PPP6R3: variants seen among roughly 807,000 people sequenced by gnomAD.
The protein encoded by PPP6R3 is serine/threonine-protein phosphatase 6 regulatory subunit 3.
A neutral mutation model predicts 110.7 loss-of-function variants in PPP6R3; 38 were observed. The ratio of observed to expected loss-of-function variants is 0.34; its 90% CI spans 0.26 to 0.45. The LOEUF is 0.45. PPP6R3 is among the 20% of genes least tolerant of loss of function. PPP6R3 has a pLI of 1.00. For synonymous variants in PPP6R3, 369 were observed against 373.5 expected (o/e 0.99, Z 0.14); for missense variants, 870 against 1,062.4 (o/e 0.82, Z 2.52).
At chr11:68,462,366 A>G (rs1201952740) in intron 1 of PPP6R3, among the ~76,000 whole-genome samples, 1 of 152,154 alleles carries the variant, frequency 6.6e-6, no homozygotes, top group African/African-American at 2.4e-5. Flanking sequence ...CCATTCCTTA[A>G]ATTAGGAACA....
intron 8 of PPP6R3, among the ~76,000 whole-genome samples, chr11:68,562,945 T>G (rs187211309): frequency 7.9e-5 from 12 of 151,996 alleles, no homozygotes; most frequent in East Asian, 1.9e-4. Context: ...TTAAGAAAAT[T>G]AAAAGATAGG....
At chr11:68,557,511 TTC>T (rs2099404108) in intron 7 of PPP6R3, among the ~76,000 whole-genome samples, 1 of 152,090 alleles carries the variant, frequency 6.6e-6, no homozygotes, top group African/African-American at 2.4e-5. Flanking sequence ...TCTTTTCTTT[TTC>T]TTTTTTTTCT....
chr11:68,500,622 T>G (rs951827693), intron 1 of PPP6R3, among the ~76,000 whole-genome samples: 1 of 152,136 alleles, frequency 6.6e-6, no homozygotes, highest in Non-Finnish European at 1.5e-5. Context: ...GGACTGCAGG[T>G]ACGTGCCACC....
chr11:68,588,107 A>C, intron 16 of PPP6R3, 83 bp downstream of exon 16: 1 of 1,251,008 alleles, frequency 8.0e-7, no homozygotes, highest in Non-Finnish European at 1.2e-6. Context: ...CGGGATTCTT[A>C]GTCTTGAGCA....
At chr11:68,600,291 C>T (rs2099627854) in intron 19 of PPP6R3, 50 bp from the exon 20 acceptor site, 1 of 1,563,076 alleles carries the variant, frequency 6.4e-7, no homozygotes, top group Non-Finnish European at 8.8e-7. Flanking sequence ...CCTTGTGGTA[C>T]ATGAAACGAC....
intron 22 of PPP6R3, among the ~76,000 whole-genome samples, chr11:68,607,832 G>A (rs1941113533): frequency 6.6e-6 from 1 of 151,452 alleles, no homozygotes; most frequent in Non-Finnish European, 1.5e-5. Flanking sequence ...GGAATGCAGT[G>A]GCACAATCAT....
At chr11:68,568,972 G>A (rs946220097) in intron 10 of PPP6R3, among the ~76,000 whole-genome samples, 2 of 152,096 alleles carry the variant, frequency 1.3e-5, no homozygotes, top group African/African-American at 4.8e-5. Flanking sequence ...CACCGTGTTA[G>A]GATGGTCTTG....
At chr11:68,533,426 T>C (rs145891240) in intron 2 of PPP6R3, among the ~76,000 whole-genome samples, 18 of 152,200 alleles carry the variant, frequency 1.2e-4, no homozygotes, top group African/African-American at 4.3e-4. Flanking sequence ...CAAAAGGAAT[T>C]AGCTGGCTGA....
At chr11:68,604,062 T>TA (rs1161541964) in intron 22 of PPP6R3, among the ~76,000 whole-genome samples, 1 of 152,216 alleles carries the variant, frequency 6.6e-6, no homozygotes, top group Non-Finnish European at 1.5e-5. Flanking sequence ...AGCCTGTGCT[T>TA]AGAGCTTTAG....
intron 1 of PPP6R3, among the ~76,000 whole-genome samples, chr11:68,461,801 G>A (rs907630847): frequency 1.3e-5 from 2 of 152,090 alleles, no homozygotes; most frequent in Admixed American, 6.5e-5. Context: ...CTTGTTGACG[G>A]GGTGGTGTCC....
At chr11:68,561,100 C>G (rs898114166) in intron 8 of PPP6R3, among the ~76,000 whole-genome samples, 5 of 151,982 alleles carry the variant, frequency 3.3e-5, no homozygotes, top group Non-Finnish European at 2.9e-5. Context: ...GGGGTTTCAC[C>G]GTGGTCTCGA....
At chr11:68,501,798 T>G (rs1052148294) in intron 1 of PPP6R3, among the ~76,000 whole-genome samples, 9 of 152,232 alleles carry the variant, frequency 5.9e-5, no homozygotes, top group Non-Finnish European at 1.0e-4. Flanking sequence ...GGCCACTAAT[T>G]CATTCAGCAG....
At chr11:68,600,939 C>G (rs759389345) in intron 20 of PPP6R3, among the ~76,000 whole-genome samples, 5 of 152,170 alleles carry the variant, frequency 3.3e-5, no homozygotes, top group Non-Finnish European at 7.4e-5. Context: ...TATGAACTTA[C>G]AGTTCACTTG....
At chr11:68,483,065 T>G (rs1293402995) in intron 1 of PPP6R3, among the ~76,000 whole-genome samples, 1 of 152,222 alleles carries the variant, frequency 6.6e-6, no homozygotes, top group Non-Finnish European at 1.5e-5. Context: ...ATAAAGTTCT[T>G]TGTTCTTAGA....
At chr11:68,587,435 T>C (rs1308939031) in intron 15 of PPP6R3, 1 of 161,182 alleles carries the variant, frequency 6.2e-6, no homozygotes, top group African/African-American at 2.4e-5. Flanking sequence ...ACATTTTGTT[T>C]CTAGGATTAT....
chr11:68,607,249 A>G (rs1373664151), intron 22 of PPP6R3, among the ~76,000 whole-genome samples: 1 of 152,234 alleles, frequency 6.6e-6, no homozygotes, highest in Non-Finnish European at 1.5e-5. Flanking sequence ...TTGCCCTGCC[A>G]GATAGTCACG....
intron 2 of PPP6R3, among the ~76,000 whole-genome samples, chr11:68,532,187 T>A (rs934980218): frequency 1.3e-5 from 2 of 152,226 alleles, no homozygotes; most frequent in Non-Finnish European, 2.9e-5. Context: ...AAGGCTTTGA[T>A]ATCATGAAGG....
chr11:68,503,789 C>A (rs1268645583), intron 1 of PPP6R3, among the ~76,000 whole-genome samples: 1 of 152,152 alleles, frequency 6.6e-6, no homozygotes, highest in African/African-American at 2.4e-5. Context: ...CCCTACAAAT[C>A]ATTGAGAAGA....
intron 2 of PPP6R3, among the ~76,000 whole-genome samples, chr11:68,533,724 A>T (rs1469916742): frequency 6.6e-6 from 1 of 151,706 alleles, no homozygotes; most frequent in Non-Finnish European, 1.5e-5. Context: ...AAAAAAAAAA[A>T]AAAAAGGAAT....
Sources: allele counts gnomAD v4.1 joint callset (sites outside exome capture counted in the v4.1 genomes callset), GRCh38; gene constraint gnomAD v4.1.1; transcripts MANE v1.5; gene names NCBI Gene and HGNC (gene_info 2026-07-23, HGNC 2026-07-21).